Variants in EPB41L5 observed in about 807,000 individuals in gnomAD.
EPB41L5 encodes the protein band 4.1-like protein 5.
Under a neutral mutation model 106.6 loss-of-function variants are expected in EPB41L5, and 55 were observed. The observed-to-expected ratio is 0.52, with a 90% confidence interval of 0.42 to 0.65. The LOEUF is 0.65. EPB41L5 is among the 30% of genes least tolerant of loss of function. EPB41L5 has a pLI of 0.00. For missense variants in EPB41L5, 871 were observed against 882.1 expected (o/e 0.99, Z 0.16); for synonymous variants, 297 against 306.7 (o/e 0.97, Z 0.33).
chr2:120,050,243 A>G (rs1039543160), intron 3 of EPB41L5, among the ~76,000 whole-genome samples: 14 of 152,152 alleles, frequency 9.2e-5, no homozygotes. Flanking sequence ...CTCCTGGATG[A>G]TATCCTGCAG....
intron 2 of EPB41L5, among the ~76,000 whole-genome samples, chr2:120,020,942 A>T (rs938835707): frequency 6.6e-6 from 1 of 152,248 alleles, no homozygotes; most frequent in African/African-American, 2.4e-5. Flanking sequence ...TTGTATGCTT[A>T]GCTGGGTGTA....
intron 10 of EPB41L5, among the ~76,000 whole-genome samples, chr2:120,080,272 G>A (rs556121805): frequency 1.5e-4 from 22 of 145,446 alleles, no homozygotes; most frequent in Non-Finnish European, 3.0e-4. Flanking sequence ...CCAACCCCAC[G>A]ACAGGCCCCG....
At position 120,084,820 on chromosome 2, in the gene EPB41L5, G is replaced by A. The variant is rs530288360; in HGVS notation, c.804-2351G>A. On this transcript the variant is annotated intron_variant, in intron 10 of 24. Coordinates refer to ENST00000263713, the MANE Select transcript of EPB41L5 (RefSeq NM_020909.4). The stretch of plus-strand genomic sequence containing the variant: ...CCCATATTTCTTGGAGGCTTTGTTC[G>A]TTCCTTTTTACTCTTTTTTTCTCTA... Among the ~76,000 whole-genome samples the A allele has an allele frequency of 3.3e-5, 5 of 152,032 alleles. No individual in the cohort carries two copies. The East Asian group carries it at 5.8e-4, about 18-fold the overall frequency.
chr2:120,075,764 C>A lies in EPB41L5; in HGVS notation c.505+11C>A, dbSNP rs1413514104. ...CTTATAATCTGCAAGGTAAGCAATT[C>A]TTATGTTGACTGTTAAGACTCAAGT... On this transcript the variant is annotated intron_variant, in intron 7 of 24. Coordinates refer to ENST00000263713, the MANE Select transcript of EPB41L5 (RefSeq NM_020909.4). The A allele has an allele frequency of 1.9e-6, 3 of 1,599,170 alleles. No individual in the cohort carries two copies. The highest frequency in any genetic ancestry group is 1.3e-5 in the African/African-American group (1 of 74,706).
chr2:120,061,515 G>A (rs919278849), intron 3 of EPB41L5, among the ~76,000 whole-genome samples: 11 of 151,258 alleles, frequency 7.3e-5, no homozygotes, highest in Admixed American at 1.3e-4. Flanking sequence ...GAGCCACCGC[G>A]CCCGGCCTTT....
At chr2:120,081,364 G>C (rs994260700) in intron 10 of EPB41L5, among the ~76,000 whole-genome samples, 5 of 152,160 alleles carry the variant, frequency 3.3e-5, no homozygotes, top group African/African-American at 4.8e-5. Flanking sequence ...ATTAAATAGG[G>C]AATCCTTTCC....
rs1275931602 is a variant in EPB41L5, at chr2:120,165,033, T to C, written c.1962+123T>C. 4.3e-6 allele frequency: 3 copies of C among 696,850 alleles called. No homozygotes were observed. In the East Asian group the frequency reaches 8.7e-5, roughly 20 times the overall value. The allele number at this position is 696,850 out of a possible 1,614,324, so 43.2% of individuals were successfully genotyped here. A position where few individuals can be genotyped will look rare whatever the true frequency, so the allele number is the denominator to read the frequency against. On this transcript the variant is annotated intron_variant, in intron 22 of 24. Coordinates refer to ENST00000263713, the MANE Select transcript of EPB41L5 (RefSeq NM_020909.4). ...ACTTTTCATTTGATAAGAGTTTATGTTTTAATAACCACTTAGCATTGCCTC... is the reference window on the plus strand; with the variant it reads ...ACTTTTCATTTGATAAGAGTTTATGCTTTAATAACCACTTAGCATTGCCTC...
intron 10 of EPB41L5, among the ~76,000 whole-genome samples, chr2:120,082,070 C>G (rs1682711521): frequency 6.6e-6 from 1 of 152,186 alleles, no homozygotes; most frequent in African/African-American, 2.4e-5. Flanking sequence ...GACAGTTTGA[C>G]TTCCTCTTTT....
chr2:120,115,203 C>G (rs369156846), intron 16 of EPB41L5, among the ~76,000 whole-genome samples: 1 of 152,208 alleles, frequency 6.6e-6, no homozygotes, highest in Non-Finnish European at 1.5e-5. Context: ...TTTTTTAATT[C>G]ATTTTGCCAA....
chr2:120,147,029 G>T (rs1200627044), intron 20 of EPB41L5, among the ~76,000 whole-genome samples: 1 of 152,170 alleles, frequency 6.6e-6, no homozygotes, highest in Non-Finnish European at 1.5e-5. Flanking sequence ...TCAGGGTAAA[G>T]CTAGAATTAC....
intron 14 of EPB41L5, among the ~76,000 whole-genome samples, chr2:120,096,353 T>C (rs1392650211): frequency 6.6e-6 from 1 of 152,160 alleles, no homozygotes; most frequent in Non-Finnish European, 1.5e-5. Context: ...AATAAATAAA[T>C]AAATATAACA....
intron 20 of EPB41L5, among the ~76,000 whole-genome samples, chr2:120,160,373 G>A (rs1490138564): frequency 6.6e-6 from 1 of 152,060 alleles, no homozygotes; most frequent in Non-Finnish European, 1.5e-5. Flanking sequence ...GATGTACTTT[G>A]TTTCAGGGTA....
chr2:120,029,658 G>A (rs77808107), intron 2 of EPB41L5, among the ~76,000 whole-genome samples: 2 of 152,076 alleles, frequency 1.3e-5, no homozygotes, highest in African/African-American at 4.8e-5. Flanking sequence ...TTTGTGGACT[G>A]TAAGTCCCCA....
intron 1 of EPB41L5, 27 bp from the exon 2 acceptor site, chr2:120,019,050 G>T: frequency 6.4e-7 from 1 of 1,560,140 alleles, no homozygotes; most frequent in Non-Finnish European, 8.7e-7. Context: ...TTTTCCTGAT[G>T]CCATCTTTTT....
In EPB41L5 at chr2:120,091,458, A is replaced by G; in HGVS notation, c.1044-97A>G. On this transcript the variant is annotated intron_variant, in intron 12 of 24. Coordinates refer to ENST00000263713, the MANE Select transcript of EPB41L5 (RefSeq NM_020909.4). ...TTCCTGTGCGATGAAGTTTAGGATG[A>G]TTCTTTTAAGGAGAACCTGAATGTG... 7.7e-6 allele frequency: 6 copies of G among 779,916 alleles called. No homozygotes were observed. In the South Asian group the frequency reaches 1.0e-4, roughly 13 times the overall value. 48.3% of individuals were successfully genotyped at this position (779,916 alleles called of 1,614,324 possible).
At chr2:120,030,136 A>G (rs1200704538) in intron 2 of EPB41L5, among the ~76,000 whole-genome samples, 1 of 152,218 alleles carries the variant, frequency 6.6e-6, no homozygotes, top group East Asian at 1.9e-4. Context: ...TAACTTCGGG[A>G]AGGAATTCAG....
intron 2 of EPB41L5, among the ~76,000 whole-genome samples, chr2:120,024,322 A>G (rs113381618): frequency 3.0e-4 from 45 of 152,280 alleles, no homozygotes; most frequent in African/African-American, 1.1e-3. Flanking sequence ...GTTTGTCATA[A>G]AAAGCTCTTA....
rs376393236 is a variant in EPB41L5 at position 120,146,252 on chromosome 2, C to T, written c.1756C>T (p.His586Tyr). Residue 586 changes from histidine to tyrosine, a missense_variant, in exon 20 of 25, where the codon CAT becomes TAT. Physicochemically the swap from His to Tyr is moderately conservative, Grantham distance 83 (BLOSUM62 2). Coordinates refer to ENST00000263713, the MANE Select transcript of EPB41L5 (RefSeq NM_020909.4). ...KVTKEDSLLS[H>Y]KNANVQDAAT... is the part of the protein sequence containing the mutation. ...TACAAAAGAAGATAGCTTATTAAGT[C>T]ATAAAAATGCCAATGTTCAGGATGC... 1.2e-5 allele frequency: 20 copies of T among 1,608,664 alleles called. No individual in the cohort carries two copies. The Middle Eastern group carries it at 4.9e-4, about 40-fold the overall frequency.
intron 3 of EPB41L5, among the ~76,000 whole-genome samples, chr2:120,051,202 G>C (rs1050217862): frequency 2.6e-5 from 4 of 152,202 alleles, no homozygotes; most frequent in Non-Finnish European, 5.9e-5. Flanking sequence ...GGACATTTAA[G>C]TCTGCAGAAG....
Sources: gnomAD v4.1 joint callset for allele counts (sites outside exome capture counted in the v4.1 genomes callset) on GRCh38, gnomAD v4.1.1 for gene constraint, MANE v1.5 for transcripts, NCBI Gene and HGNC (gene_info 2026-07-23, HGNC 2026-07-21) for gene names.